The following SDHAF2 variants were observed in gnomAD, a reference collection of about 807,000 sequenced individuals.
The protein encoded by SDHAF2 is succinate dehydrogenase complex assembly factor 2.
SDHAF2 carries 21 observed loss-of-function variants against 18.5 expected under a neutral mutation model. The ratio of observed to expected loss-of-function variants is 1.13; its 90% CI spans 0.80 to 1.63. SDHAF2 has a LOEUF of 1.63. Ranked by LOEUF, SDHAF2 falls within the 40% of genes most tolerant of loss-of-function variation. The probability of loss-of-function intolerance (pLI) is 0.00; values close to 1 mark genes in which losing one functional copy is unlikely to be tolerated. For missense variants in SDHAF2, 195 were observed against 200.3 expected (o/e 0.97, Z 0.16); for synonymous variants, 84 against 70.7 (o/e 1.19, Z -0.94).
intron 3 of SDHAF2, among the ~76,000 whole-genome samples, chr11:61,443,595 A>G (rs1315217627): frequency 1.3e-5 from 2 of 152,142 alleles, no homozygotes. Flanking sequence ...GGTTACCTTC[A>G]TTGCATTACT....
At chr11:61,434,848 G>A (rs934188747) in intron 1 of SDHAF2, 18 of 150,392 alleles carry the variant, frequency 1.2e-4, no homozygotes, top group African/African-American at 4.4e-4. Flanking sequence ...TTCTGCCTCA[G>A]GCCTCCCAGG....
intron 1 of SDHAF2, chr11:61,430,490 T>G: frequency 1.9e-6 from 1 of 519,910 alleles, no homozygotes; most frequent in Non-Finnish European, 3.4e-6. Flanking sequence ...CTCCCCGTTC[T>G]TTAGTCTTTA....
intron 3 of SDHAF2, chr11:61,444,251 T>C (rs927349217): frequency 2.6e-5 from 4 of 152,240 alleles, no homozygotes; most frequent in African/African-American, 7.2e-5. Context: ...TGCTGTAAAG[T>C]TGGCAACAGT....
At chr11:61,437,554 T>A in intron 1 of SDHAF2, 71 bp from the exon 2 acceptor site, 1 of 1,294,252 alleles carries the variant, frequency 7.7e-7, no homozygotes, top group Non-Finnish European at 1.1e-6. Context: ...CAGCACCTAG[T>A]AAGCATTGAG....
intron 3 of SDHAF2, among the ~76,000 whole-genome samples, chr11:61,443,778 ATTTT>A (rs879317356): frequency 6.9e-6 from 1 of 145,228 alleles, no homozygotes; most frequent in Admixed American, 6.9e-5. Flanking sequence ...CACCTGGCTA[ATTTT>A]TTTTTTTTTT....
At chr11:61,435,834 A>G (rs1861985636) in intron 1 of SDHAF2, 1 of 152,400 alleles carries the variant, frequency 6.6e-6, no homozygotes, top group Admixed American at 6.6e-5. Flanking sequence ...AAAGGACAGA[A>G]TGTTACGACT....
At chr11:61,436,938 T>C in intron 1 of SDHAF2, 4 of 1,275,216 alleles carry the variant, frequency 3.1e-6, no homozygotes, top group Non-Finnish European at 4.1e-6. Flanking sequence ...ATGCTGTCTC[T>C]GTGTGCTCAG....
rs1862141366 is a variant in SDHAF2 at position 61,446,562 on chromosome 11, CCCAG to C, written c.*494_*497del. ...GCTCCTTCTGCGAAGGGAAGCTGATCCCAGCCTCCTGAGCTGAATCCTTCAAAGG... is the reference window on the plus strand; with the variant it reads ...GCTCCTTCTGCGAAGGGAAGCTGATCCCTCCTGAGCTGAATCCTTCAAAGG... On this transcript the variant is annotated 3_prime_UTR_variant, in exon 4 of 4. Coordinates refer to ENST00000301761, the MANE Select transcript of SDHAF2 (RefSeq NM_017841.4). The C allele has an allele frequency of 4.3e-6, 2 of 461,622 alleles. No homozygotes were observed. The highest frequency in any genetic ancestry group is 7.6e-6 in the Non-Finnish European group (2 of 263,204). 28.6% of individuals were successfully genotyped at this position (461,622 alleles called of 1,614,324 possible).
chr11:61,446,219 C>A lies in SDHAF2; in HGVS notation c.*148C>A. 3.6e-6 allele frequency: 3 copies of A among 824,882 alleles called. No homozygotes were observed. Among genetic ancestry groups the A allele is most frequent in the Non-Finnish European group, 4.1e-6 (2 of 483,738 alleles). 51.1% of individuals were successfully genotyped at this position (824,882 alleles called of 1,614,324 possible). A position where few individuals can be genotyped will look rare whatever the true frequency, so the allele number is the denominator to read the frequency against. ...CTCAAGTGATGGACATAACCCTCTC[C>A]TAGGACATACATGTAAATGCACAAT... On this transcript the variant is annotated 3_prime_UTR_variant, in exon 4 of 4. Coordinates refer to ENST00000301761, the MANE Select transcript of SDHAF2 (RefSeq NM_017841.4).
rs1309376928 is a variant in SDHAF2, at chr11:61,430,188, G to A, written c.36+6G>A. The A allele has an allele frequency of 2.5e-6, 4 of 1,614,210 alleles. No individual in the cohort carries two copies. Among genetic ancestry groups the A allele is most frequent in the Non-Finnish European group, 3.4e-6 (4 of 1,180,026 alleles). On this transcript the variant is annotated splice_donor_region_variant and intron_variant, in intron 1 of 3. Coordinates refer to ENST00000301761, the MANE Select transcript of SDHAF2 (RefSeq NM_017841.4). ...TGTTCTCGACTTCGTCGCTGGTGAG[G>A]AGAGAGAACGTTCTAGCGTCCGGGG...
At chr11:61,433,609 CAG>C (rs747363103) in intron 1 of SDHAF2, 2 of 152,200 alleles carry the variant, frequency 1.3e-5, no homozygotes, top group African/African-American at 2.4e-5. Context: ...CAGTCTGCAT[CAG>C]AATCTCTTAG....
chr11:61,438,097 T>C lies in SDHAF2; in HGVS notation c.354T>C (p.Ile118=), dbSNP rs1590765153. 6.8e-6 allele frequency: 11 copies of C among 1,613,326 alleles called. No individual in the cohort carries two copies. The highest frequency in any genetic ancestry group is 9.3e-6 in the Non-Finnish European group (11 of 1,179,266). ...LINEPSNDWD[I]YYWATEAKPA... is the part of the protein sequence containing the mutation. Reference sequence around the variant, plus strand: ...ACGAGCCTAGTAATGACTGGGATATTTACTACTGGGCCACAGGTACTGGGT... The same window carrying C: ...ACGAGCCTAGTAATGACTGGGATATCTACTACTGGGCCACAGGTACTGGGT... The change falls in exon 3 of 4, where the codon ATT becomes ATC. Residue 118 remains isoleucine, a synonymous_variant. Coordinates refer to ENST00000301761, the MANE Select transcript of SDHAF2 (RefSeq NM_017841.4).
rs190184990 is a variant in SDHAF2, at chr11:61,430,411, G to T, written c.36+229G>T. ...ATATCTGCTTAAACGATCAGTCATCGTCCAAGACCCAATTCGCCTCTCACC... is the reference window on the plus strand; with the variant it reads ...ATATCTGCTTAAACGATCAGTCATCTTCCAAGACCCAATTCGCCTCTCACC... On this transcript the variant is annotated intron_variant, in intron 1 of 3. Transcript: ENST00000301761. The T allele has an allele frequency of 6.0e-5, 36 of 600,698 alleles. 1 individual carries two copies. In the Admixed American group the frequency reaches 8.6e-4, roughly 14 times the overall value. 37.2% of individuals were successfully genotyped at this position (600,698 alleles called of 1,614,324 possible).
chr11:61,445,883 C>T, intron 3 of SDHAF2, 58 bp from the exon 4 acceptor site: 2 of 1,602,878 alleles, frequency 1.2e-6, no homozygotes, highest in East Asian at 2.2e-5. Context: ...TTAAGATTCT[C>T]ATACCTGAGC....
chr11:61,434,625 C>G (rs1481235090), intron 1 of SDHAF2: 1 of 127,866 alleles, frequency 7.8e-6, no homozygotes, highest in Non-Finnish European at 1.5e-5. Flanking sequence ...AAAACCCTGA[C>G]TAATTTCAAA....
At chr11:61,437,215 A>T (rs1481949986) in intron 1 of SDHAF2, among the ~76,000 whole-genome samples, 1 of 151,806 alleles carries the variant, frequency 6.6e-6, no homozygotes, top group Admixed American at 6.6e-5. Flanking sequence ...TTTCAGGGGG[A>T]TAGGGTCCGT....
At chr11:61,443,670 G>A (rs1156985545) in intron 3 of SDHAF2, among the ~76,000 whole-genome samples, 1 of 152,144 alleles carries the variant, frequency 6.6e-6, no homozygotes, top group Non-Finnish European at 1.5e-5. Context: ...GGAGTGCAGT[G>A]GCACCCTCTC....
intron 3 of SDHAF2, chr11:61,438,345 A>G (rs1862022515): frequency 3.3e-6 from 2 of 600,870 alleles, no homozygotes; most frequent in Non-Finnish European, 5.9e-6. Flanking sequence ...GATTACAGGC[A>G]TGTGTCACCA....
chr11:61,436,911 T>G (rs746639591), intron 1 of SDHAF2: 30 of 1,287,092 alleles, frequency 2.3e-5, no homozygotes, highest in Non-Finnish European at 2.9e-5. Context: ...TTGGGAGCCT[T>G]TGGGGGATTA....
Sources: gnomAD v4.1 joint callset for allele counts (sites outside exome capture counted in the v4.1 genomes callset) on GRCh38, gnomAD v4.1.1 for gene constraint, MANE v1.5 for transcripts, NCBI Gene and HGNC (gene_info 2026-07-23, HGNC 2026-07-21) for gene names.